The following FMNL2 variants were observed in gnomAD, a reference collection of about 807,000 sequenced individuals.
FMNL2 encodes the protein formin-like protein 2.
In FMNL2, 51 loss-of-function variants were observed where a neutral mutation model predicts 130.2. That is an observed-to-expected ratio of 0.39 (90% confidence interval 0.31 to 0.49). The LOEUF is 0.49. FMNL2 is among the 20% of genes least tolerant of loss of function. The probability of loss-of-function intolerance (pLI) is 0.85; values close to 1 mark genes in which losing one functional copy is unlikely to be tolerated. For synonymous variants in FMNL2, 465 were observed against 467.1 expected (o/e 1.00, Z 0.06); for missense variants, 977 against 1,316.2 (o/e 0.74, Z 3.99).
chr2:152,339,125 G>C (rs577173951), intron 1 of FMNL2, among the ~76,000 whole-genome samples: 1 of 152,278 alleles, frequency 6.6e-6, no homozygotes, highest in East Asian at 1.9e-4. Flanking sequence ...GTCAACCACT[G>C]CCTGTGGGCC....
intron 1 of FMNL2, among the ~76,000 whole-genome samples, chr2:152,482,874 CTGGTGA>C (rs1690607080): frequency 6.6e-6 from 1 of 152,166 alleles, no homozygotes; most frequent in East Asian, 1.9e-4. Flanking sequence ...ACACAGGTTA[CTGGTGA>C]ATTAAGAAAA....
At chr2:152,436,528 C>T (rs956262861) in intron 1 of FMNL2, among the ~76,000 whole-genome samples, 3 of 152,154 alleles carry the variant, frequency 2.0e-5, no homozygotes, top group African/African-American at 4.8e-5. Flanking sequence ...TGACTCTGAC[C>T]TAAAAGCTCA....
chr2:152,407,935 A>G (rs1047668396), intron 1 of FMNL2, among the ~76,000 whole-genome samples: 3 of 152,210 alleles, frequency 2.0e-5, no homozygotes, highest in African/African-American at 7.2e-5. Context: ...GGTATCCAGC[A>G]TTTTGTGCAG....
chr2:152,633,651 A>C (rs750642596), intron 21 of FMNL2, among the ~76,000 whole-genome samples: 1 of 152,342 alleles, frequency 6.6e-6, no homozygotes, highest in East Asian at 1.9e-4. Flanking sequence ...TCACTTAGAC[A>C]GTAGGCAGAA....
Position 152,549,060 on chromosome 2 carries a change from A to G in FMNL2, c.322A>G (p.Arg108Gly). Residue 108 changes from arginine (R) to glycine (G), a missense_variant, in exon 4 of 26, where the codon AGA becomes GGA. Physicochemically the swap from Arg to Gly is moderately radical, Grantham distance 125 (BLOSUM62 -2). Transcript: ENST00000288670. ...TGTTCAAGAATCTACACAAGTGCTA[A>G]GAGAACTGGAAATTTCTTTGAGAAC... Reference protein sequence around the residue: ...RRVQESTQVLRELEISLRTNH... With the variant: ...RRVQESTQVLGELEISLRTNH... 1 of 1,610,784 alleles carries G rather than the reference A, an allele frequency of 6.2e-7. No individual in the cohort carries two copies. Among genetic ancestry groups the G allele is most frequent in the Non-Finnish European group, 8.5e-7 (1 of 1,178,690 alleles).
intron 9 of FMNL2, among the ~76,000 whole-genome samples, chr2:152,587,771 GA>G (rs1236380507): frequency 1.3e-5 from 2 of 152,168 alleles, no homozygotes; most frequent in Non-Finnish European, 2.9e-5. Flanking sequence ...AAAAAAATGT[GA>G]GTGCTTTCTA....
chr2:152,512,848 A>G (rs959879060), intron 1 of FMNL2, among the ~76,000 whole-genome samples: 7 of 152,202 alleles, frequency 4.6e-5, no homozygotes. Flanking sequence ...GTTCTAAGAA[A>G]ACTATAGTCA....
rs1491319197 is a variant in FMNL2, at chr2:152,614,762, C to CAAAAA, written c.1063-87_1063-83dup. ...CATCTCAAAACAAAACAAAACAAAA[C>CAAAAA]AAAAAACAAAAAAGACAGACTCTTA... On this transcript the variant is annotated intron_variant, in intron 11 of 25. Coordinates refer to ENST00000288670, the MANE Select transcript of FMNL2 (RefSeq NM_052905.4). 1.3e-5 allele frequency: 19 copies of CAAAAA among 1,419,206 alleles called. No homozygotes were observed. The African/African-American group carries it at 2.1e-4, about 16-fold the overall frequency. 87.9% of individuals were successfully genotyped at this position (1,419,206 alleles called of 1,614,324 possible).
intron 1 of FMNL2, among the ~76,000 whole-genome samples, chr2:152,339,377 C>T (rs1387899525): frequency 6.6e-6 from 1 of 152,164 alleles, no homozygotes; most frequent in Non-Finnish European, 1.5e-5. Flanking sequence ...GAAGGTGGTT[C>T]TGGGTGGATG....
Position 152,390,078 on chromosome 2 carries a change from GAGA to G in FMNL2, c.117+54364_117+54366del, listed in dbSNP as rs1330873867. ...CAGCCTTGACTCCCCAGGAAAGCAG[GAGA>G]AGAAGGAGGAAGATGAGGAGGACAA... On this transcript the variant is annotated intron_variant, in intron 1 of 25. Transcript: ENST00000288670. 12 of 1,515,852 alleles carry G rather than the reference GAGA, an allele frequency of 7.9e-6. 1 individual carries two copies. In the Middle Eastern group the frequency reaches 6.8e-4, roughly 86 times the overall value. 93.9% of individuals were successfully genotyped at this position (1,515,852 alleles called of 1,614,324 possible).
At chr2:152,489,217 A>G (rs1047772972) in intron 1 of FMNL2, among the ~76,000 whole-genome samples, 1 of 150,960 alleles carries the variant, frequency 6.6e-6, no homozygotes, top group African/African-American at 2.5e-5. Context: ...CAGAAAGGGT[A>G]AAACAAGAAC....
At chr2:152,479,374 G>T (rs757880186) in intron 1 of FMNL2, among the ~76,000 whole-genome samples, 4 of 152,080 alleles carry the variant, frequency 2.6e-5, no homozygotes, top group Non-Finnish European at 5.9e-5. Context: ...TGAATTCCTG[G>T]GCTCAAGTCA....
At position 152,487,246 on chromosome 2, in the gene FMNL2, CTTCT is replaced by C. The variant is rs34011588; in HGVS notation, c.118-34694_118-34691del. Among the ~76,000 whole-genome samples, 1,312 of 152,286 alleles carry C rather than the reference CTTCT, an allele frequency of 8.6e-3. 11 individuals carry two copies. The highest frequency in any genetic ancestry group is 0.026 in the African/African-American group (1,075 of 41,548). On this transcript the variant is annotated intron_variant, in intron 1 of 25. Transcript: ENST00000288670. ...TTTGAAATTTTTGTAAACTTTCCAA[CTTCT>C]TTGTTTTGCACTCAGTACTTAAAAA...
intron 10 of FMNL2, 57 bp downstream of exon 10, chr2:152,607,470 T>C: frequency 3.2e-6 from 2 of 617,066 alleles, no homozygotes; most frequent in African/African-American, 1.9e-5. Context: ...TTTTTCTAAA[T>C]ACACACACAC....
chr2:152,454,729 A>G (rs1013274571), intron 1 of FMNL2, among the ~76,000 whole-genome samples: 2 of 152,210 alleles, frequency 1.3e-5, no homozygotes, highest in Admixed American at 6.5e-5. Context: ...TTCAAGGACT[A>G]CTGAATGATT....
rs549324371 is a variant in FMNL2, at chr2:152,363,011, G to C, written c.117+27291G>C. On this transcript the variant is annotated intron_variant, in intron 1 of 25. Transcript: ENST00000288670. Reference sequence around the variant, plus strand: ...AACTATATAGAGGGAAAGTAGATTAGTGGTTGCCTAGGGCTAGAGACCCTG... The same window carrying C: ...AACTATATAGAGGGAAAGTAGATTACTGGTTGCCTAGGGCTAGAGACCCTG... 2.6e-5 allele frequency among the ~76,000 whole-genome samples: 4 copies of C among 152,352 alleles called. No individual in the cohort carries two copies. In the East Asian group the frequency reaches 7.7e-4, roughly 29 times the overall value.
chr2:152,610,772 C>T (rs944760964), intron 10 of FMNL2, among the ~76,000 whole-genome samples: 14 of 152,086 alleles, frequency 9.2e-5, no homozygotes, highest in African/African-American at 2.4e-4. Flanking sequence ...TTTATGTGGA[C>T]GTATATTTTC....
chr2:152,360,138 T>C (rs1683077948), intron 1 of FMNL2, among the ~76,000 whole-genome samples: 1 of 152,210 alleles, frequency 6.6e-6, no homozygotes, highest in South Asian at 2.1e-4. Context: ...AACTAAAGCA[T>C]AATAAAGGGG....
intron 25 of FMNL2, chr2:152,643,634 A>C: frequency 6.7e-7 from 1 of 1,485,230 alleles, no homozygotes. Context: ...CATCTCCATC[A>C]TGTTATATTT....
Sources: allele counts gnomAD v4.1 joint callset (sites outside exome capture counted in the v4.1 genomes callset), GRCh38; gene constraint gnomAD v4.1.1; transcripts MANE v1.5; gene names NCBI Gene and HGNC (gene_info 2026-07-23, HGNC 2026-07-21).